SNX24: variants seen among roughly 807,000 people sequenced by gnomAD.
The protein encoded by SNX24 is sorting nexin 24.
A neutral mutation model predicts 28.7 loss-of-function variants in SNX24; 22 were observed. The observed-to-expected ratio is 0.77, with a 90% CI of 0.55 to 1.10. The LOEUF (loss-of-function observed/expected upper bound fraction) is 1.10. SNX24 is among the 50% of genes least tolerant of loss of function. The pLI, the probability that SNX24 is intolerant of heterozygous loss-of-function variation, is 0.00. For synonymous variants in SNX24, 69 were observed against 71.5 expected (o/e 0.96, Z 0.18); for missense variants, 221 against 201.1 (o/e 1.10, Z -0.60).
At chr5:122,878,485 A>C (rs1302648596) in intron 1 of SNX24, among the ~76,000 whole-genome samples, 1 of 152,184 alleles carries the variant, frequency 6.6e-6, no homozygotes, top group Non-Finnish European at 1.5e-5. Context: ...GGCTTTTTGT[A>C]AATCAGACCA....
At chr5:122,998,710 G>C (rs1312199656) in intron 3 of SNX24, among the ~76,000 whole-genome samples, 1 of 152,104 alleles carries the variant, frequency 6.6e-6, no homozygotes, top group East Asian at 1.9e-4. Flanking sequence ...ACCTGAACTG[G>C]GTAACAGTAT....
intron 5 of SNX24, chr5:123,025,685 T>C: frequency 1.6e-6 from 2 of 1,260,362 alleles, no homozygotes; most frequent in Non-Finnish European, 1.1e-6. Context: ...AGCTATATAA[T>C]GGATCTCTAA....
chr5:122,972,850 C>T (rs988619780), intron 3 of SNX24, among the ~76,000 whole-genome samples: 6 of 152,200 alleles, frequency 3.9e-5, no homozygotes, highest in Non-Finnish European at 7.3e-5. Flanking sequence ...TGCCATATCA[C>T]GGGCTCAGTG....
chr5:123,011,481 A>G (rs1212014462), downstream of SNX24, among the ~76,000 whole-genome samples: 1 of 151,624 alleles, frequency 6.6e-6, no homozygotes, highest in African/African-American at 2.4e-5. Context: ...AGTTACAGTT[A>G]TAAGTTCCCA....
intron 2 of SNX24, among the ~76,000 whole-genome samples, chr5:122,937,751 G>T (rs971180275): frequency 2.6e-5 from 4 of 152,078 alleles, no homozygotes; most frequent in Non-Finnish European, 5.9e-5. Context: ...TTCAATCCAG[G>T]TTGACTTGGA....
In SNX24 at chr5:123,001,433, T is replaced by G; in HGVS notation, c.373T>G (p.Ser125Ala). The G allele has an allele frequency of 6.2e-7, 1 of 1,605,366 alleles. No homozygotes were observed. The highest frequency in any genetic ancestry group is 1.1e-5 in the South Asian group (1 of 90,354). Residue 125 changes from serine to alanine, a missense_variant, in exon 5 of 7, where the codon TCA becomes GCA. Ser to Ala is a moderately conservative substitution (Grantham distance 99). Transcript: ENST00000261369. ...TTTTGATGAAACAGAGTCTGAAGAG[T>G]CAAGGTAAGGACTAATCCTCATCAG... ...GSFDETESEE[S>A]SKLSHQPVLL...
chr5:122,909,733 T>C (rs1187539433), intron 1 of SNX24, among the ~76,000 whole-genome samples: 1 of 152,182 alleles, frequency 6.6e-6, no homozygotes, highest in Non-Finnish European at 1.5e-5. Context: ...TTGGCCAAAC[T>C]GTCTATCCCT....
intron 5 of SNX24, among the ~76,000 whole-genome samples, chr5:123,026,821 G>A (rs1191464639): frequency 6.6e-6 from 1 of 152,142 alleles, no homozygotes; most frequent in African/African-American, 2.4e-5. Flanking sequence ...AATACCTCAA[G>A]GGTCTACCAG....
intron 1 of SNX24, among the ~76,000 whole-genome samples, chr5:122,913,508 G>C (rs1758004529): frequency 6.6e-6 from 1 of 152,094 alleles, no homozygotes; most frequent in Non-Finnish European, 1.5e-5. Flanking sequence ...TCCCAGACGT[G>C]GTGGCTGCCT....
intron 3 of SNX24, among the ~76,000 whole-genome samples, chr5:122,974,811 G>A (rs1761101935): frequency 6.6e-6 from 1 of 152,154 alleles, no homozygotes; most frequent in Admixed American, 6.5e-5. Flanking sequence ...TTTCTAGGTA[G>A]AGGCAGCTCT....
At chr5:122,876,560 C>T (rs957057738) in intron 1 of SNX24, among the ~76,000 whole-genome samples, 1 of 152,174 alleles carries the variant, frequency 6.6e-6, no homozygotes, top group African/African-American at 2.4e-5. Flanking sequence ...ATTAATATAA[C>T]CCAGTAAGTG....
chr5:122,871,063 G>A (rs6595415), intron 1 of SNX24, among the ~76,000 whole-genome samples: 23,193 of 152,150 alleles, frequency 0.15, 2,143 homozygotes, highest in East Asian at 0.36. Context: ...CTGGGTGATT[G>A]TTATGAACAG....
At chr5:122,852,898 C>T (rs1160124353) in intron 1 of SNX24, among the ~76,000 whole-genome samples, 3 of 152,020 alleles carry the variant, frequency 2.0e-5, no homozygotes, top group African/African-American at 7.2e-5. Context: ...ACCCCTCAGG[C>T]ATCACAGTGG....
intron 5 of SNX24, chr5:123,023,635 A>T (rs568220009): frequency 5.0e-6 from 2 of 401,854 alleles, no homozygotes; most frequent in Non-Finnish European, 7.8e-6. Flanking sequence ...GTTTTAAAAT[A>T]GCACCACTTG....
At chr5:123,024,000 C>G in intron 5 of SNX24, 1 of 1,612,442 alleles carries the variant, frequency 6.2e-7, no homozygotes, top group Non-Finnish European at 8.5e-7. Context: ...GAGTGCACCA[C>G]TGTCTGGTGA....
Position 122,936,800 on chromosome 5 carries a change from C to A in SNX24, c.127C>A (p.His43Asn). The A allele has an allele frequency of 6.2e-7, 1 of 1,605,836 alleles. No homozygotes were observed. Among genetic ancestry groups the A allele is most frequent in the Non-Finnish European group, 8.5e-7 (1 of 1,173,880 alleles). Residue 43 changes from histidine (H) to asparagine (N), a missense_variant, in exon 2 of 7, where the codon CAT becomes AAT. By Grantham distance (68) the His-to-Asn change is moderately conservative. Coordinates refer to ENST00000261369, the MANE Select transcript of SNX24 (RefSeq NM_014035.4). ...TGTTGAAAAGAGATACAGCGAATTT[C>A]ATGCTTTGCACAAAAAGGTAACTTG... is the stretch of plus-strand genomic sequence containing the variant. ...HFVEKRYSEF[H>N]ALHKKLKKCI... is the part of the protein sequence containing the mutation.
intron 2 of SNX24, among the ~76,000 whole-genome samples, chr5:122,939,690 T>A (rs1759353899): frequency 6.6e-6 from 1 of 152,238 alleles, no homozygotes; most frequent in Non-Finnish European, 1.5e-5. Flanking sequence ...TGAACTTTGA[T>A]TATCTAAGGG....
intron 3 of SNX24, among the ~76,000 whole-genome samples, chr5:122,970,458 C>T (rs538140536): frequency 2.0e-4 from 31 of 152,084 alleles, no homozygotes; most frequent in Admixed American, 1.4e-3. Flanking sequence ...TTCGGAATTC[C>T]AGCCTTATTC....
Position 122,904,008 on chromosome 5 carries a change from C to T in SNX24, c.61-32726C>T, listed in dbSNP as rs765777486. On this transcript the variant is annotated intron_variant, in intron 1 of 6. Coordinates refer to ENST00000261369, the MANE Select transcript of SNX24 (RefSeq NM_014035.4). ...TGTATGTTATGTCTAATTGGTCCTA[C>T]GGTTAAATGGCACAGTAGGGACAGG... Among the ~76,000 whole-genome samples the T allele has an allele frequency of 1.2e-4, 19 of 152,116 alleles. No individual in the cohort carries two copies. The South Asian group carries it at 1.9e-3, about 15-fold the overall frequency.
Sources: gnomAD v4.1 joint callset for allele counts (sites outside exome capture counted in the v4.1 genomes callset) on GRCh38, gnomAD v4.1.1 for gene constraint, MANE v1.5 for transcripts, NCBI Gene and HGNC (gene_info 2026-07-23, HGNC 2026-07-21) for gene names.